Variants in CYSLTR2 observed in about 807,000 individuals in gnomAD.
CYSLTR2 encodes cysteinyl leukotriene receptor 2.
For synonymous variants in CYSLTR2, 179 were observed against 160.8 expected, an observed-to-expected ratio of 1.11 and a Z score of -0.86; for missense variants, 398 against 411.9, an observed-to-expected ratio of 0.97 and a Z score of 0.29.
chr13:48,668,032 C>G (rs1237327914), intron 1 of CYSLTR2, among the ~76,000 whole-genome samples: 1 of 152,032 alleles, frequency 6.6e-6, no homozygotes, highest in Non-Finnish European at 1.5e-5. Flanking sequence ...ACTTGTTTGC[C>G]TAGTGATGAT....
chr13:48,655,510 G>T lies in CYSLTR2; in HGVS notation c.-266+1493G>T, dbSNP rs188596839. 2.0e-4 allele frequency among the ~76,000 whole-genome samples: 30 copies of T among 152,286 alleles called. No homozygotes were observed. In the East Asian group the frequency reaches 5.0e-3, roughly 25 times the overall value. ...CAGGGACTGAAAACAGAGCCACAGCGCCTAAACCACACTGAAGCATTTGCT... is the reference window on the plus strand; with the variant it reads ...CAGGGACTGAAAACAGAGCCACAGCTCCTAAACCACACTGAAGCATTTGCT... On this transcript the variant is annotated intron_variant, in intron 1 of 4. Transcript: ENST00000682523.
chr13:48,692,621 A>G (rs1238916725), intron 2 of CYSLTR2, among the ~76,000 whole-genome samples: 2 of 151,340 alleles, frequency 1.3e-5, no homozygotes, highest in Non-Finnish European at 3.0e-5. Flanking sequence ...ATAAACAGGA[A>G]ATCAACAGGA....
At chr13:48,699,822 A>T (rs978371442) in intron 4 of CYSLTR2, among the ~76,000 whole-genome samples, 7 of 152,222 alleles carry the variant, frequency 4.6e-5, no homozygotes, top group Non-Finnish European at 8.8e-5. Flanking sequence ...TGCAATAAAA[A>T]ATAATAAAGG....
At chr13:48,672,016 G>T (rs1021539285) in intron 1 of CYSLTR2, among the ~76,000 whole-genome samples, 6 of 152,040 alleles carry the variant, frequency 3.9e-5, no homozygotes, top group African/African-American at 1.2e-4. Flanking sequence ...TCTTGGGAGG[G>T]TGTATGTGTC....
intron 4 of CYSLTR2, among the ~76,000 whole-genome samples, chr13:48,706,239 G>A (rs1352739185): frequency 6.6e-6 from 1 of 151,978 alleles, no homozygotes; most frequent in Non-Finnish European, 1.5e-5. Flanking sequence ...CAGGTGATCT[G>A]CCAGCCTCAG....
At chr13:48,697,979 AAAG>A (rs942508457) in intron 4 of CYSLTR2, among the ~76,000 whole-genome samples, 9 of 152,298 alleles carry the variant, frequency 5.9e-5, no homozygotes, top group Admixed American at 5.9e-4. Flanking sequence ...AAAAAAGTAA[AAAG>A]AAATGAAAAA....
intron 1 of CYSLTR2, among the ~76,000 whole-genome samples, chr13:48,654,834 G>T (rs571797504): frequency 6.6e-6 from 1 of 152,212 alleles, no homozygotes; most frequent in Non-Finnish European, 1.5e-5. Flanking sequence ...ATTTTATCTT[G>T]TTTTCCAGAA....
chr13:48,655,896 A>C (rs1296132562), intron 1 of CYSLTR2, among the ~76,000 whole-genome samples: 1 of 152,198 alleles, frequency 6.6e-6, no homozygotes, highest in Admixed American at 6.5e-5. Context: ...AAATTGGTTA[A>C]ACAAATTTCA....
chr13:48,683,915 T>C (rs1283816932), intron 1 of CYSLTR2, among the ~76,000 whole-genome samples: 1 of 152,182 alleles, frequency 6.6e-6, no homozygotes, highest in Non-Finnish European at 1.5e-5. Flanking sequence ...TAATCCATAG[T>C]CACTTTTTAA....
intron 1 of CYSLTR2, among the ~76,000 whole-genome samples, chr13:48,663,103 T>C (rs1040822415): frequency 5.3e-5 from 8 of 152,096 alleles, no homozygotes; most frequent in African/African-American, 1.9e-4. Context: ...GGAGACTGTC[T>C]TTTCCCCAAT....
At position 48,708,490 on chromosome 13, in the gene CYSLTR2, C is replaced by CTAGTAGAAA. The variant is rs1336675170; in HGVS notation, c.*632_*633insTAGTAGAAA. On this transcript the variant is annotated 3_prime_UTR_variant, in exon 5 of 5. Transcript: ENST00000682523. Reference sequence around the variant, plus strand: ...GAGGTTCTAACACACTGAAGGCAACCCTATTTCTACTGTTTCTCTCTTGCC... The same window carrying CTAGTAGAAA: ...GAGGTTCTAACACACTGAAGGCAACCTAGTAGAAACTATTTCTACTGTTTCTCTCTTGCC... 5 of 167,036 alleles carry CTAGTAGAAA rather than the reference C, an allele frequency of 3.0e-5. No individual in the cohort carries two copies. The highest frequency in any genetic ancestry group is 6.5e-5 in the Admixed American group (1 of 15,284). The allele number at this position is 167,036 out of a possible 1,614,324, so 10.3% of individuals were successfully genotyped here.
intron 1 of CYSLTR2, among the ~76,000 whole-genome samples, chr13:48,672,480 C>T (rs1419258874): frequency 6.6e-6 from 1 of 151,970 alleles, no homozygotes; most frequent in South Asian, 2.1e-4. Flanking sequence ...TACATTGTGT[C>T]TTTGTTCTCA....
intron 4 of CYSLTR2, among the ~76,000 whole-genome samples, chr13:48,697,473 A>G (rs1954223465): frequency 6.6e-6 from 1 of 152,186 alleles, no homozygotes; most frequent in Non-Finnish European, 1.5e-5. Flanking sequence ...GAAAACTAAC[A>G]AACAGAAAGG....
intron 1 of CYSLTR2, among the ~76,000 whole-genome samples, chr13:48,665,278 A>C (rs1030314100): frequency 6.6e-6 from 1 of 152,090 alleles, no homozygotes; most frequent in African/African-American, 2.4e-5. Flanking sequence ...TGAAAAATAA[A>C]TATGTATTCT....
chr13:48,679,113 C>T (rs1566090679), intron 1 of CYSLTR2, among the ~76,000 whole-genome samples: 1 of 152,138 alleles, frequency 6.6e-6, no homozygotes, highest in Non-Finnish European at 1.5e-5. Context: ...CTAGGCTCTA[C>T]TATATTACTT....
At chr13:48,700,713 G>C (rs1402867171) in intron 4 of CYSLTR2, among the ~76,000 whole-genome samples, 1 of 152,158 alleles carries the variant, frequency 6.6e-6, no homozygotes, top group Non-Finnish European at 1.5e-5. Context: ...ATTAGGAAAA[G>C]AGGAAGTCAA....
At chr13:48,668,391 C>G (rs952013453) in intron 1 of CYSLTR2, among the ~76,000 whole-genome samples, 5 of 152,002 alleles carry the variant, frequency 3.3e-5, no homozygotes, top group Non-Finnish European at 7.4e-5. Flanking sequence ...GGTTAGAGAT[C>G]AGAGAGAGTG....
intron 1 of CYSLTR2, 108 bp downstream of exon 1, chr13:48,654,125 A>G (rs1050660780): frequency 2.6e-5 from 4 of 152,160 alleles, no homozygotes; most frequent in Non-Finnish European, 4.4e-5. Context: ...GTTTTGTTCT[A>G]CTATAAATGT....
At chr13:48,699,103 G>C (rs1054687374) in intron 4 of CYSLTR2, among the ~76,000 whole-genome samples, 1 of 152,136 alleles carries the variant, frequency 6.6e-6, no homozygotes, top group Non-Finnish European at 1.5e-5. Context: ...GTCAACATTA[G>C]ACAGATCAAC....
Sources: allele counts gnomAD v4.1 joint callset (sites outside exome capture counted in the v4.1 genomes callset), GRCh38; gene constraint gnomAD v4.1.1; transcripts MANE v1.5; gene names NCBI Gene and HGNC (gene_info 2026-07-23, HGNC 2026-07-21).